Variants in GALNT13 observed in about 807,000 individuals in gnomAD.
The protein encoded by GALNT13 is polypeptide N-acetylgalactosaminyltransferase 13.
GALNT13 carries 28 observed loss-of-function variants against 64.2 expected under a neutral mutation model. That is an observed-to-expected ratio of 0.44 (90% CI 0.32 to 0.60). GALNT13 has a LOEUF of 0.60. GALNT13 is among the 20% of genes least tolerant of loss of function. The pLI is 0.05. For synonymous variants in GALNT13, 214 were observed against 224.6 expected (o/e 0.95, Z 0.42); for missense variants, 577 against 669.8 (o/e 0.86, Z 1.53).
the GALNT13 span, among the ~76,000 whole-genome samples, chr2:153,254,657 T>C: frequency 1.3e-5 from 2 of 152,186 alleles, no homozygotes; most frequent in African/African-American, 4.8e-5. Context: ...CCAGAGATTC[T>C]GGTATGTTGT....
chr2:154,001,917 T>G (rs1695935896), intron 3 of GALNT13, among the ~76,000 whole-genome samples: 1 of 152,128 alleles, frequency 6.6e-6, no homozygotes, highest in Admixed American at 6.6e-5. Context: ...GAAGGATAGC[T>G]TTTCTGGGTA....
chr2:154,224,979 A>G (rs889686366), intron 4 of GALNT13, among the ~76,000 whole-genome samples: 1 of 152,194 alleles, frequency 6.6e-6, no homozygotes, highest in East Asian at 1.9e-4. Flanking sequence ...ATGGAGTGCT[A>G]ATATCACTAT....
chr2:154,444,554 G>A (rs1701466901), intron 12 of GALNT13, among the ~76,000 whole-genome samples: 1 of 152,010 alleles, frequency 6.6e-6, no homozygotes, highest in African/African-American at 2.4e-5. Flanking sequence ...AGCTGCTGCT[G>A]CTATTATTAC....
the GALNT13 span, among the ~76,000 whole-genome samples, chr2:153,524,691 A>G: frequency 1.3e-5 from 2 of 152,188 alleles, no homozygotes; most frequent in African/African-American, 4.8e-5. Context: ...TGGAAGGAGC[A>G]TTTAAACTAG....
chr2:154,257,331 C>G (rs922988519), intron 7 of GALNT13, among the ~76,000 whole-genome samples: 2 of 151,998 alleles, frequency 1.3e-5, no homozygotes, highest in Non-Finnish European at 2.9e-5. Context: ...GATGGGCACT[C>G]TGAACTGATT....
At chr2:154,074,595 G>A (rs1404927485) in intron 3 of GALNT13, among the ~76,000 whole-genome samples, 1 of 151,808 alleles carries the variant, frequency 6.6e-6, no homozygotes, top group Non-Finnish European at 1.5e-5. Flanking sequence ...TATGAGGCCA[G>A]CATTCTCTTG....
chr2:153,183,755 G>A, the GALNT13 span, among the ~76,000 whole-genome samples: 1 of 152,058 alleles, frequency 6.6e-6, no homozygotes, highest in Admixed American at 6.6e-5. Context: ...TTTTTGTCAG[G>A]TTTGTCAAAG....
chr2:153,167,082 GTTGTT>G, the GALNT13 span, among the ~76,000 whole-genome samples: 2 of 152,202 alleles, frequency 1.3e-5, no homozygotes. Context: ...ATAAATGTGT[GTTGTT>G]TTAAGCTGCT....
chr2:153,556,139 G>A, the GALNT13 span, among the ~76,000 whole-genome samples: 17,258 of 152,010 alleles, frequency 0.11, 1,086 homozygotes, highest in Middle Eastern at 0.18. Context: ...GGTGATGCTT[G>A]AAATTACATA....
the GALNT13 span, among the ~76,000 whole-genome samples, chr2:153,328,044 T>C: frequency 6.6e-6 from 1 of 152,184 alleles, no homozygotes; most frequent in Non-Finnish European, 1.5e-5. Context: ...TGGTTTTTTT[T>C]CTCATAGTCA....
At chr2:153,407,154 C>T in the GALNT13 span, among the ~76,000 whole-genome samples, 3 of 152,204 alleles carry the variant, frequency 2.0e-5, no homozygotes, top group Admixed American at 2.0e-4. Flanking sequence ...GCAGTATCAA[C>T]ATCACCTGGG....
intron 2 of GALNT13, among the ~76,000 whole-genome samples, chr2:153,902,332 G>A (rs942337806): frequency 2.6e-5 from 4 of 152,052 alleles, no homozygotes; most frequent in Non-Finnish European, 5.9e-5. Flanking sequence ...GGAAGACAAA[G>A]CTAGTGATTT....
chr2:153,415,793 G>A, the GALNT13 span, among the ~76,000 whole-genome samples: 1 of 152,042 alleles, frequency 6.6e-6, no homozygotes, highest in African/African-American at 2.4e-5. Flanking sequence ...GTGAGAATAG[G>A]GAAAACTTTC....
At chr2:153,618,465 C>T in the GALNT13 span, among the ~76,000 whole-genome samples, 1 of 151,746 alleles carries the variant, frequency 6.6e-6, no homozygotes, top group Non-Finnish European at 1.5e-5. Context: ...TGAGAATAAT[C>T]CATCTGTTGA....
chr2:153,750,735 T>C, the GALNT13 span, among the ~76,000 whole-genome samples: 1 of 151,802 alleles, frequency 6.6e-6, no homozygotes, highest in Non-Finnish European at 1.5e-5. Flanking sequence ...CTGGCTAAAG[T>C]TTGTCAATTT....
rs149542133 is a variant in GALNT13, at chr2:154,351,642, C to T, written c.1157-44349C>T. On this transcript the variant is annotated intron_variant, in intron 9 of 12. Transcript: ENST00000392825. ...AGTTTGCAGTGAGCTGAGATGGCGC[C>T]ACTGCAGTCCAGCCTGGGCGACAAA... 9.5e-3 allele frequency among the ~76,000 whole-genome samples: 1,128 copies of T among 119,178 alleles called. 14 individuals are homozygous for T. The highest frequency in any genetic ancestry group is 0.034 in the African/African-American group (1,073 of 31,116). 78.2% of individuals were successfully genotyped at this position (119,178 alleles called of 152,430 possible).
chr2:153,742,987 G>T, the GALNT13 span, among the ~76,000 whole-genome samples: 8 of 118,046 alleles, frequency 6.8e-5, no homozygotes, highest in East Asian at 5.6e-4. Flanking sequence ...GAGGAGAAGT[G>T]GGGGGGGAGA....
At chr2:153,439,905 G>A in the GALNT13 span, among the ~76,000 whole-genome samples, 1 of 152,194 alleles carries the variant, frequency 6.6e-6, no homozygotes, top group African/African-American at 2.4e-5. Context: ...CGTTTTCTGT[G>A]TCGCTCACGC....
At chr2:153,316,076 A>G in the GALNT13 span, among the ~76,000 whole-genome samples, 1 of 152,058 alleles carries the variant, frequency 6.6e-6, no homozygotes, top group Non-Finnish European at 1.5e-5. Context: ...TACAAATGAC[A>G]TATCCCACGG....
Sources: gnomAD v4.1 joint callset for allele counts (sites outside exome capture counted in the v4.1 genomes callset) on GRCh38, gnomAD v4.1.1 for gene constraint, MANE v1.5 for transcripts, NCBI Gene and HGNC (gene_info 2026-07-23, HGNC 2026-07-21) for gene names.